The following NTRK2 variants were observed in gnomAD, a reference collection of about 807,000 sequenced individuals.
The protein encoded by NTRK2 is BDNF/NT-3 growth factors receptor.
A neutral mutation model predicts 94.5 loss-of-function variants in NTRK2; 13 were observed. That is an observed-to-expected ratio of 0.14 (90% confidence interval 0.09 to 0.22). The LOEUF is 0.22. NTRK2 is among the 10% of genes least tolerant of loss of function. The probability of loss-of-function intolerance (pLI) is 1.00; values close to 1 mark genes in which losing one functional copy is unlikely to be tolerated. For synonymous variants in NTRK2, 372 were observed against 407.4 expected, an observed-to-expected ratio of 0.91 and a Z score of 1.05; for missense variants, 639 against 1,071.2, an observed-to-expected ratio of 0.60 and a Z score of 5.63.
At chr9:85,020,570 G>A (rs757743427) in intron 18 of NTRK2, among the ~76,000 whole-genome samples, 7 of 152,162 alleles carry the variant, frequency 4.6e-5, no homozygotes, top group Non-Finnish European at 8.8e-5. Flanking sequence ...CACAGTGCTC[G>A]CTGCTATGTC....
At chr9:84,700,326 ACT>A (rs1460625445) in intron 2 of NTRK2, among the ~76,000 whole-genome samples, 1 of 152,218 alleles carries the variant, frequency 6.6e-6, no homozygotes, top group Non-Finnish European at 1.5e-5. Flanking sequence ...AAGTATGATA[ACT>A]CTGAAACAGT....
intron 12 of NTRK2, among the ~76,000 whole-genome samples, chr9:84,781,757 A>T (rs1056321237): frequency 1.3e-5 from 2 of 152,162 alleles, no homozygotes; most frequent in Admixed American, 6.5e-5. Context: ...TTAGTTTTTT[A>T]AGTCTATACT....
chr9:84,983,063 G>A (rs539537740), intron 17 of NTRK2, among the ~76,000 whole-genome samples: 56 of 152,176 alleles, frequency 3.7e-4, no homozygotes, highest in African/African-American at 1.3e-3. Flanking sequence ...ATAGGTCTTG[G>A]TAATGAGATC....
chr9:84,881,884 T>G (rs2076264678), intron 14 of NTRK2, among the ~76,000 whole-genome samples: 1 of 152,202 alleles, frequency 6.6e-6, no homozygotes. Context: ...AAGCTTTATG[T>G]TTTGTATTAT....
intron 12 of NTRK2, among the ~76,000 whole-genome samples, chr9:84,856,479 T>C (rs1283504427): frequency 6.6e-6 from 1 of 152,166 alleles, no homozygotes; most frequent in East Asian, 1.9e-4. Flanking sequence ...GGCGAACTTT[T>C]GCATTCATTT....
At chr9:84,878,984 T>C (rs2076173925) in intron 14 of NTRK2, among the ~76,000 whole-genome samples, 1 of 152,218 alleles carries the variant, frequency 6.6e-6, no homozygotes, top group Admixed American at 6.5e-5. Flanking sequence ...TGTCTCCCTT[T>C]TGTTCAGCCA....
chr9:84,788,836 A>G (rs766533053), intron 12 of NTRK2, among the ~76,000 whole-genome samples: 13 of 152,112 alleles, frequency 8.5e-5, no homozygotes, highest in Non-Finnish European at 1.5e-4. Context: ...CTCCTCCCAG[A>G]CCAGGTGGCT....
intron 2 of NTRK2, among the ~76,000 whole-genome samples, chr9:84,687,445 T>C (rs922768581): frequency 2.0e-5 from 3 of 152,196 alleles, no homozygotes; most frequent in African/African-American, 7.2e-5. Flanking sequence ...TTTTCCTCTA[T>C]TGCGGAGGAA....
At chr9:84,802,660 G>A (rs984435995) in intron 12 of NTRK2, among the ~76,000 whole-genome samples, 1 of 152,148 alleles carries the variant, frequency 6.6e-6, no homozygotes, top group Non-Finnish European at 1.5e-5. Context: ...TGCCTCAGTC[G>A]GAACATATAT....
rs1244676877 is a variant in NTRK2 at position 84,670,948 on chromosome 9, A to G, written c.200A>G (p.Asn67Ser). Residue 67 changes from asparagine (N) to serine (S), a missense_variant, in exon 2 of 19, where the codon AAC becomes AGC. This residue lies in a region of NTRK2 where 206 missense variants were observed against 251.5 expected (regional missense o/e 0.82). Coordinates refer to ENST00000277120, the MANE Select transcript of NTRK2 (RefSeq NM_006180.6). Reference protein sequence around the residue: ...RLEPNSVDPENITEIFIANQK... With the variant: ...RLEPNSVDPESITEIFIANQK... ...GAGCCTAACAGTGTAGATCCTGAGA[A>G]CATCACCGAAATGTGAGTTCCTGGA... 6.3e-7 allele frequency: 1 copy of G among 1,582,620 alleles called. No homozygotes were observed. The highest frequency in any genetic ancestry group is 1.7e-5 in the Admixed American group (1 of 58,272).
intron 17 of NTRK2, among the ~76,000 whole-genome samples, chr9:84,981,977 T>C (rs1402865341): frequency 6.6e-6 from 1 of 152,368 alleles, no homozygotes; most frequent in East Asian, 1.9e-4. Context: ...AGGGATTTAA[T>C]TTCTGGGTTT....
At chr9:84,799,437 TG>T (rs2070109811) in intron 12 of NTRK2, among the ~76,000 whole-genome samples, 1 of 152,218 alleles carries the variant, frequency 6.6e-6, no homozygotes, top group Non-Finnish European at 1.5e-5. Flanking sequence ...ACAACCGATG[TG>T]GAACAATCTG....
At chr9:84,943,005 A>T (rs1369249884) in intron 15 of NTRK2, among the ~76,000 whole-genome samples, 1 of 152,210 alleles carries the variant, frequency 6.6e-6, no homozygotes, top group Non-Finnish European at 1.5e-5. Context: ...GGGAGTTTTT[A>T]AATTTCCCTC....
At chr9:84,745,934 C>T (rs570211881) in intron 11 of NTRK2, among the ~76,000 whole-genome samples, 2 of 152,260 alleles carry the variant, frequency 1.3e-5, no homozygotes, top group East Asian at 3.9e-4. Flanking sequence ...GTCAGTTGCT[C>T]TGGTCCGAAC....
intron 13 of NTRK2, among the ~76,000 whole-genome samples, chr9:84,864,802 G>GGTA (rs2075511602): frequency 7.3e-6 from 1 of 136,406 alleles, no homozygotes; most frequent in Non-Finnish European, 1.5e-5. Context: ...GTGCAGTGGT[G>GGTA]TGATCTCAGC....
In NTRK2 at chr9:84,670,823, C is replaced by A; in HGVS notation, c.75C>A (p.Phe25Leu). ...LWGFCWLVVGFWRAAFACPTS... is the reference protein window; with the variant it reads ...LWGFCWLVVGLWRAAFACPTS... The stretch of plus-strand genomic sequence containing the variant: ...GCTTCTGCTGGCTGGTTGTGGGCTT[C>A]TGGAGGGCCGCTTTCGCCTGTCCCA... The change falls in exon 2 of 19, where the codon TTC becomes TTA. Residue 25 changes from phenylalanine to leucine, a missense_variant. By Grantham distance (22) the Phe-to-Leu change is conservative (BLOSUM62 0). Coordinates refer to ENST00000277120, the MANE Select transcript of NTRK2 (RefSeq NM_006180.6). 6.2e-7 allele frequency: 1 copy of A among 1,614,162 alleles called. No homozygotes were observed.
At chr9:84,777,326 T>G (rs1043009989) in intron 12 of NTRK2, among the ~76,000 whole-genome samples, 2 of 152,168 alleles carry the variant, frequency 1.3e-5, no homozygotes, top group Non-Finnish European at 2.9e-5. Flanking sequence ...TTTACAAGAT[T>G]GGAAAATAGT....
At chr9:85,017,173 G>C (rs1832328437) in intron 17 of NTRK2, among the ~76,000 whole-genome samples, 1 of 152,116 alleles carries the variant, frequency 6.6e-6, no homozygotes, top group African/African-American at 2.4e-5. Context: ...CTCCAGAATG[G>C]CTGCTTCTGG....
At chr9:84,747,894 G>A (rs1339579737) in intron 11 of NTRK2, among the ~76,000 whole-genome samples, 3 of 152,034 alleles carry the variant, frequency 2.0e-5, no homozygotes, top group East Asian at 3.9e-4. Context: ...ATGACTTTGC[G>A]GAAGGCTCCT....
Sources: allele counts gnomAD v4.1 joint callset (sites outside exome capture counted in the v4.1 genomes callset), GRCh38; gene constraint gnomAD v4.1.1; regional missense constraint gnomAD v4.1.1; transcripts MANE v1.5; gene names NCBI Gene and HGNC (gene_info 2026-07-23, HGNC 2026-07-21).